The following ZNF532 variants were observed in gnomAD, a reference collection of about 807,000 sequenced individuals.
ZNF532 encodes zinc finger protein 532.
Under a neutral mutation model 89.3 loss-of-function variants are expected in ZNF532, and 22 were observed. The ratio of observed to expected loss-of-function variants is 0.25; its 90% CI spans 0.18 to 0.35. The LOEUF is 0.35. ZNF532 is among the 10% of genes least tolerant of loss of function. The probability of loss-of-function intolerance (pLI) is 1.00; values close to 1 mark genes in which losing one functional copy is unlikely to be tolerated. For missense variants in ZNF532, 1,132 were observed against 1,643.4 expected (o/e 0.69, Z 5.38); for synonymous variants, 606 against 649.6 (o/e 0.93, Z 1.02).
rs890744977 is a variant in ZNF532, at chr18:58,907,087, A to G, written c.-17-11184A>G. 5.3e-5 allele frequency among the ~76,000 whole-genome samples: 8 copies of G among 152,286 alleles called. No homozygotes were observed. In the East Asian group the frequency reaches 5.8e-4, roughly 11 times the overall value. The stretch of plus-strand genomic sequence containing the variant: ...ACAGGTCTCACCTCCTCCTCCACCT[A>G]TCTACAGAGGAGACAGCCTCATGTT... On this transcript the variant is annotated intron_variant, in intron 2 of 9. Coordinates refer to ENST00000591808, the MANE Select transcript of ZNF532 (RefSeq NM_001375912.1).
intron 6 of ZNF532, chr18:58,953,229 C>G (rs2064398290): frequency 4.3e-6 from 1 of 232,028 alleles, no homozygotes; most frequent in African/African-American, 2.3e-5. Flanking sequence ...AGATAAAGTA[C>G]CAGGATTAAT....
At chr18:58,934,305 G>A (rs1017129174) in intron 3 of ZNF532, 128 bp from the exon 4 acceptor site, 48 of 867,114 alleles carry the variant, frequency 5.5e-5, no homozygotes, top group Middle Eastern at 4.7e-4. Context: ...TTTCCCTTGG[G>A]CTTAGAATCA....
At chr18:58,981,709 TAC>T (rs1434585618) in intron 9 of ZNF532, 92 bp downstream of exon 9, 14 of 1,531,034 alleles carry the variant, frequency 9.1e-6, no homozygotes, top group Middle Eastern at 1.7e-4. Context: ...GTTGCATAGT[TAC>T]AGTTTTAAAA....
intron 2 of ZNF532, among the ~76,000 whole-genome samples, chr18:58,901,117 G>A (rs551772895): frequency 1.8e-4 from 27 of 152,152 alleles, no homozygotes; most frequent in Admixed American, 1.2e-3. Context: ...GGCCGAGATG[G>A]GACCTTTCCT....
Position 58,891,526 on chromosome 18 carries a change from T to C in ZNF532, c.-18+25947T>C, listed in dbSNP as rs527468406. Among the ~76,000 whole-genome samples, 5 of 152,122 alleles carry C rather than the reference T, an allele frequency of 3.3e-5. No individual in the cohort carries two copies. In the East Asian group the frequency reaches 9.7e-4, roughly 30 times the overall value. ...GTCTGGGTGACACAGAGAAACTGTC[T>C]CAAAAATGAATGAATGAAACCTGGG... On this transcript the variant is annotated intron_variant, in intron 2 of 9. Coordinates refer to ENST00000591808, the MANE Select transcript of ZNF532 (RefSeq NM_001375912.1).
rs370075958 is a variant in ZNF532 at position 58,918,527 on chromosome 18, C to T, written c.240C>T (p.Asp80=). 1.8e-5 allele frequency: 29 copies of T among 1,614,188 alleles called. No homozygotes were observed. The highest frequency in any genetic ancestry group is 1.6e-4 in the Middle Eastern group (1 of 6,062). Residue 80 remains aspartate (D), a synonymous_variant, in exon 3 of 10, where the codon GAC becomes GAT. Coordinates refer to ENST00000591808, the MANE Select transcript of ZNF532 (RefSeq NM_001375912.1). ...ACTCTTCCGAGGGCGGGGAGAAAGA[C>T]GGCCACAACCCCACTGGCAATGGCT... The part of the protein sequence containing the change: ...NIDSSEGGEK[D]GHNPTGNGLH...
chr18:58,909,701 G>A (rs889521397), intron 2 of ZNF532, among the ~76,000 whole-genome samples: 2 of 152,118 alleles, frequency 1.3e-5, no homozygotes, highest in South Asian at 2.1e-4. Flanking sequence ...GCGGGAACAC[G>A]GATTGGGAAT....
intron 7 of ZNF532, chr18:58,964,279 C>T (rs974476963): frequency 6.6e-6 from 1 of 152,138 alleles, no homozygotes; most frequent in African/African-American, 2.4e-5. Context: ...AAACCAGTTT[C>T]TCCTATCTTT....
rs982005924 is a variant in ZNF532, at chr18:58,985,187, T to G, written c.*721T>G. Reference sequence around the variant, plus strand: ...CATTTTGAGGAATGGGGAAGGCTATTCTAAAGAAAAAAATGGGATTTGTTT... The same window carrying G: ...CATTTTGAGGAATGGGGAAGGCTATGCTAAAGAAAAAAATGGGATTTGTTT... On this transcript the variant is annotated 3_prime_UTR_variant, in exon 10 of 10. Transcript: ENST00000591808. The G allele has an allele frequency of 6.6e-6, 1 of 152,142 alleles. No homozygotes were observed. The highest frequency in any genetic ancestry group is 2.4e-5 in the African/African-American group (1 of 41,440). 9.4% of individuals were successfully genotyped at this position (152,142 alleles called of 1,614,324 possible).
chr18:58,875,150 C>CG (rs2057326930), intron 2 of ZNF532, among the ~76,000 whole-genome samples: 1 of 152,002 alleles, frequency 6.6e-6, no homozygotes, highest in Admixed American at 6.6e-5. Flanking sequence ...CCTTTCCCCC[C>CG]CCTTTTTTTC....
At chr18:58,949,165 A>G (rs2063923894) in intron 6 of ZNF532, among the ~76,000 whole-genome samples, 1 of 151,934 alleles carries the variant, frequency 6.6e-6, no homozygotes, top group African/African-American at 2.4e-5. Context: ...TTACTCTCCA[A>G]CCCCCAAAAG....
In ZNF532 at chr18:58,920,225, C is replaced by T; in HGVS notation, c.1938C>T (p.Cys646=). 6.2e-7 allele frequency: 1 copy of T among 1,613,894 alleles called. No homozygotes were observed. Among genetic ancestry groups the T allele is most frequent in the Non-Finnish European group, 8.5e-7 (1 of 1,179,760 alleles). The change falls in exon 3 of 10, where the codon TGC becomes TGT. Residue 646 remains cysteine (C), a synonymous_variant. Coordinates refer to ENST00000591808, the MANE Select transcript of ZNF532 (RefSeq NM_001375912.1). The part of the protein sequence containing the change: ...DRRSVRIEVT[C]NHCTKNLVFY... ...GGAGCGTGCGCATCGAAGTAACGTG[C>T]AACCATTGTACAAAGAACCTCGTTT...
chr18:58,889,459 T>C (rs1359301682), intron 2 of ZNF532, among the ~76,000 whole-genome samples: 1 of 152,208 alleles, frequency 6.6e-6, no homozygotes, highest in African/African-American at 2.4e-5. Context: ...ACTTGTACTT[T>C]CTACTTAAAA....
chr18:58,981,537 C>G lies in ZNF532; in HGVS notation c.3331C>G (p.His1111Asp). 1.9e-6 allele frequency: 3 copies of G among 1,614,126 alleles called. No homozygotes were observed. Among genetic ancestry groups the G allele is most frequent in the Non-Finnish European group, 2.5e-6 (3 of 1,180,016 alleles). Reference protein sequence around the residue: ...LMLEKHVQLMHGIKDPDLKEM... With the variant: ...LMLEKHVQLMDGIKDPDLKEM... ...GCTGGAGAAGCACGTCCAGCTGATGCATGGCATCAAGGACCCTGACCTGAA... is the reference window on the plus strand; with the variant it reads ...GCTGGAGAAGCACGTCCAGCTGATGGATGGCATCAAGGACCCTGACCTGAA... Residue 1111 changes from histidine to aspartate, a missense_variant, in exon 9 of 10, where the codon CAT (histidine) becomes GAT (aspartate). By Grantham distance (81) the His-to-Asp change is moderately conservative (BLOSUM62 -1). Coordinates refer to ENST00000591808, the MANE Select transcript of ZNF532 (RefSeq NM_001375912.1).
chr18:58,953,699 C>A lies in ZNF532; in HGVS notation c.3050C>A (p.Thr1017Asn). The A allele has an allele frequency of 6.2e-7, 1 of 1,614,010 alleles. No individual in the cohort carries two copies. Among genetic ancestry groups the A allele is most frequent in the Non-Finnish European group, 8.5e-7 (1 of 1,179,908 alleles). Residue 1017 changes from threonine (T) to asparagine (N), a missense_variant, in exon 7 of 10, where the codon ACC becomes AAC. By Grantham distance (65) the Thr-to-Asn change is moderately conservative. This residue lies in a region of ZNF532 where 415 missense variants were observed against 604.8 expected (regional missense o/e 0.69). Transcript: ENST00000591808. ...SPSPVKKSME[T>N]KKVASPGWTC... is the part of the protein sequence containing the mutation. ...TCTCCTGTGAAAAAATCAATGGAAA[C>A]CAAGAAAGTGGCCAGTCCTGGGTGG...
At position 58,865,304 on chromosome 18, in the gene ZNF532, G is replaced by A. The variant is rs1231666698; in HGVS notation, c.-209G>A. ...TTTGCATGCTTTTTTTCTCTTGCAGGGTATGTTCTGTCTTGTGCTTTTTCT... is the reference window on the plus strand; with the variant it reads ...TTTGCATGCTTTTTTTCTCTTGCAGAGTATGTTCTGTCTTGTGCTTTTTCT... On this transcript the variant is annotated 5_prime_UTR_variant, in exon 1 of 10. Coordinates refer to ENST00000591808, the MANE Select transcript of ZNF532 (RefSeq NM_001375912.1). 1 of 152,016 alleles carries A rather than the reference G, an allele frequency of 6.6e-6. No individual in the cohort carries two copies. The highest frequency in any genetic ancestry group is 1.5e-5 in the Non-Finnish European group (1 of 68,016). The allele number at this position is 152,016 out of a possible 1,614,324, so 9.4% of individuals were successfully genotyped here. A position where few individuals can be genotyped will look rare whatever the true frequency, so the allele number is the denominator to read the frequency against.
intron 3 of ZNF532, among the ~76,000 whole-genome samples, chr18:58,925,691 C>A (rs1479242865): frequency 6.6e-6 from 1 of 152,184 alleles, no homozygotes; most frequent in Non-Finnish European, 1.5e-5. Flanking sequence ...GCTCTAGATC[C>A]TAAACATTTT....
chr18:58,921,917 G>T (rs551663917), intron 3 of ZNF532, among the ~76,000 whole-genome samples: 368 of 152,172 alleles, frequency 2.4e-3, no homozygotes, highest in Middle Eastern at 6.8e-3. Flanking sequence ...ACCAGCCTGG[G>T]CAACATGGTG....
At chr18:58,951,283 T>C (rs1458631099) in intron 6 of ZNF532, among the ~76,000 whole-genome samples, 4 of 152,172 alleles carry the variant, frequency 2.6e-5, no homozygotes, top group Non-Finnish European at 1.5e-5. Context: ...TAATTTTACT[T>C]GCAGTGTAAC....
Sources: allele counts gnomAD v4.1 joint callset (sites outside exome capture counted in the v4.1 genomes callset), GRCh38; gene constraint gnomAD v4.1.1; regional missense constraint gnomAD v4.1.1; transcripts MANE v1.5; gene names NCBI Gene and HGNC (gene_info 2026-07-23, HGNC 2026-07-21).